FGFR2: variants seen among roughly 807,000 people sequenced by gnomAD.
FGFR2 encodes fibroblast growth factor receptor 2, also known as BEK fibroblast growth factor receptor.
FGFR2 carries 19 observed loss-of-function variants against 95.9 expected under a neutral mutation model. The observed-to-expected ratio is 0.20, with a 90% CI of 0.14 to 0.29. FGFR2 has a LOEUF of 0.29. FGFR2 is among the 10% of genes least tolerant of loss of function. FGFR2 has a pLI of 1.00. For missense variants in FGFR2, 707 were observed against 1,056.9 expected (o/e 0.67, Z 4.59); for synonymous variants, 392 against 393.3 (o/e 1.00, Z 0.04).
intron 11 of FGFR2, among the ~76,000 whole-genome samples, chr10:121,499,490 G>C (rs554239311): frequency 6.6e-6 from 1 of 152,236 alleles, no homozygotes; most frequent in African/African-American, 2.4e-5. Context: ...GAGGAGGGAG[G>C]GAGACACAGC....
chr10:121,535,659 G>T (rs139688332), intron 6 of FGFR2, among the ~76,000 whole-genome samples: 50 of 152,212 alleles, frequency 3.3e-4, no homozygotes, highest in African/African-American at 1.2e-3. Flanking sequence ...TTTTATTATC[G>T]CCACAATTAC....
At chr10:121,491,689 C>G (rs1047943933) in intron 13 of FGFR2, among the ~76,000 whole-genome samples, 1 of 151,578 alleles carries the variant, frequency 6.6e-6, no homozygotes, top group African/African-American at 2.4e-5. Flanking sequence ...GCTAACACAG[C>G]GAAACCCCAT....
chr10:121,538,102 T>C (rs1853126193), intron 6 of FGFR2: 5 of 556,466 alleles, frequency 9.0e-6, no homozygotes, highest in Non-Finnish European at 1.6e-5. Flanking sequence ...TACCGTCTAA[T>C]GACTTTCTTG....
rs758299422 is a variant in FGFR2, at chr10:121,538,491, T to C, written c.748+101A>G. The C allele has an allele frequency of 6.6e-6, 10 of 1,504,172 alleles. No individual in the cohort carries two copies. In the East Asian group the frequency reaches 1.6e-4, roughly 24 times the overall value. 93.2% of individuals were successfully genotyped at this position (1,504,172 alleles called of 1,614,324 possible). On this transcript the variant is annotated intron_variant, in intron 6 of 17. Transcript: ENST00000358487. ...AAGAATAAGAATGAACCAATTCTCC[T>C]GAAACTTATGGGAGAAACAGGACTT...
intron 9 of FGFR2, among the ~76,000 whole-genome samples, chr10:121,514,177 A>G (rs1849394875): frequency 6.6e-6 from 1 of 152,248 alleles, no homozygotes; most frequent in Admixed American, 6.5e-5. Context: ...ACTGAAATAG[A>G]GCCAATGAGT....
rs751455486 is a variant in FGFR2, at chr10:121,593,848, A to G, written c.-31T>C. 1.8e-5 allele frequency: 28 copies of G among 1,588,498 alleles called. No individual in the cohort carries two copies. Among genetic ancestry groups the G allele is most frequent in the Admixed American group, 5.0e-5 (3 of 59,976 alleles). Reference sequence around the variant, plus strand: ...CGGTACCAATCCCCGGTCCTCTTCCATATCTCCATGTGGACGTTAATCCCA... The same window carrying G: ...CGGTACCAATCCCCGGTCCTCTTCCGTATCTCCATGTGGACGTTAATCCCA... On this transcript the variant is annotated 5_prime_UTR_variant, in exon 2 of 18. An upstream start codon of the reference 5' UTR is lost. Coordinates refer to ENST00000358487, the MANE Select transcript of FGFR2 (RefSeq NM_000141.5).
intron 13 of FGFR2, among the ~76,000 whole-genome samples, chr10:121,492,663 T>G (rs1211843347): frequency 6.6e-6 from 1 of 152,208 alleles, no homozygotes; most frequent in Non-Finnish European, 1.5e-5. Context: ...CTTTCAAGAA[T>G]AAGCCCTCCA....
chr10:121,581,726 T>C (rs1447647374), intron 2 of FGFR2, among the ~76,000 whole-genome samples: 2 of 140,412 alleles, frequency 1.4e-5, no homozygotes, highest in Admixed American at 1.5e-4. Flanking sequence ...CACTCCAGCC[T>C]GGGTGACACA....
At chr10:121,535,179 G>A (rs1852657819) in intron 6 of FGFR2, among the ~76,000 whole-genome samples, 4 of 152,186 alleles carry the variant, frequency 2.6e-5, no homozygotes, top group South Asian at 2.1e-4. Context: ...GGAGAGGGGC[G>A]TGGAACTTGC....
chr10:121,564,136 C>T (rs1042709519), intron 4 of FGFR2, among the ~76,000 whole-genome samples: 5 of 152,166 alleles, frequency 3.3e-5, no homozygotes, highest in Admixed American at 1.3e-4. Flanking sequence ...TCACACACCA[C>T]TGGATTAAAC....
chr10:121,550,050 T>G (rs1404717955), intron 5 of FGFR2, among the ~76,000 whole-genome samples: 1 of 152,252 alleles, frequency 6.6e-6, no homozygotes, highest in African/African-American at 2.4e-5. Flanking sequence ...CCTTTTCATA[T>G]GCTCAATTAT....
chr10:121,521,626 A>G (rs1850553828), intron 6 of FGFR2, among the ~76,000 whole-genome samples: 1 of 142,816 alleles, frequency 7.0e-6, no homozygotes, highest in Admixed American at 7.5e-5. Flanking sequence ...GAGCTATCAC[A>G]TGACACCTGT....
chr10:121,504,614 T>C (rs1848041316), intron 9 of FGFR2, among the ~76,000 whole-genome samples: 1 of 152,122 alleles, frequency 6.6e-6, no homozygotes. Flanking sequence ...GCCTCTTGTC[T>C]TCGGTTTCAG....
intron 2 of FGFR2, among the ~76,000 whole-genome samples, chr10:121,578,362 G>C (rs547141975): frequency 6.6e-6 from 1 of 152,216 alleles, no homozygotes; most frequent in South Asian, 2.1e-4. Flanking sequence ...TGCCTGGCAG[G>C]CTCCTATTCA....
rs67778522 is a variant in FGFR2, at chr10:121,509,482, C to CTTTTTTTTTTTTT, written c.1288-5554_1288-5542dup. Among the ~76,000 whole-genome samples the CTTTTTTTTTTTTT allele has an allele frequency of 9.9e-4, 45 of 45,342 alleles. 2 individuals are homozygous for CTTTTTTTTTTTTT. The highest frequency in any genetic ancestry group is 2.9e-3 in the African/African-American group (33 of 11,558). 29.7% of individuals were successfully genotyped at this position (45,342 alleles called of 152,430 possible). A position where few individuals can be genotyped will look rare whatever the true frequency, so the allele number is the denominator to read the frequency against. On this transcript the variant is annotated intron_variant, in intron 9 of 17. Transcript: ENST00000358487. The stretch of plus-strand genomic sequence containing the variant: ...AGAAACAGTGTTATCTGTTTCTTTT[C>CTTTTTTTTTTTTT]TTTTTTTTTTTTTTTTTTTTTTTTT...
At chr10:121,589,317 T>C in intron 2 of FGFR2, among the ~76,000 whole-genome samples, 1 of 152,222 alleles carries the variant, frequency 6.6e-6, no homozygotes, top group East Asian at 1.9e-4. Context: ...GTGGATACAT[T>C]TTATTGAAAC....
At chr10:121,535,813 G>A (rs1433093260) in intron 6 of FGFR2, among the ~76,000 whole-genome samples, 4 of 152,158 alleles carry the variant, frequency 2.6e-5, no homozygotes, top group Non-Finnish European at 5.9e-5. Flanking sequence ...ATGGCTTGCC[G>A]TTTAATTCTA....
chr10:121,551,040 G>T (rs1198931308), intron 5 of FGFR2, among the ~76,000 whole-genome samples: 2 of 152,060 alleles, frequency 1.3e-5, no homozygotes, highest in Admixed American at 1.3e-4. Flanking sequence ...ACAACACGGT[G>T]AAACCCCGTC....
chr10:121,546,551 A>T (rs1379321296), intron 5 of FGFR2, among the ~76,000 whole-genome samples: 1 of 152,242 alleles, frequency 6.6e-6, no homozygotes, highest in Non-Finnish European at 1.5e-5. Flanking sequence ...TTGATAAACA[A>T]GACTGAACTG....
Sources: allele counts gnomAD v4.1 joint callset (sites outside exome capture counted in the v4.1 genomes callset), GRCh38; gene constraint gnomAD v4.1.1; transcripts MANE v1.5; gene names NCBI Gene and HGNC (gene_info 2026-07-23, HGNC 2026-07-21).